Variants in PRELID2 observed in about 807,000 individuals in gnomAD.
The protein encoded by PRELID2 is PRELI domain containing 2, also known as PRELI domain-containing protein 2.
Under a neutral mutation model 28.4 loss-of-function variants are expected in PRELID2, and 25 were observed. The observed-to-expected ratio is 0.88, with a 90% confidence interval of 0.64 to 1.23. The LOEUF (loss-of-function observed/expected upper bound fraction) is 1.23. Among genes scored for constraint, PRELID2 ranks in the 50% most tolerant of loss-of-function variants. The pLI is 0.00. For synonymous variants in PRELID2, 76 were observed against 71.6 expected (o/e 1.06, Z -0.31); for missense variants, 201 against 214.4 (o/e 0.94, Z 0.39).
At chr5:145,383,522 A>G in the PRELID2 span, among the ~76,000 whole-genome samples, 1 of 151,666 alleles carries the variant, frequency 6.6e-6, no homozygotes, top group Non-Finnish European at 1.5e-5. Flanking sequence ...AAACCCATAT[A>G]AAAACTACAG....
At chr5:145,660,670 C>T (rs558798761) in intron 1 of PRELID2, among the ~76,000 whole-genome samples, 31 of 152,290 alleles carry the variant, frequency 2.0e-4, no homozygotes, top group Middle Eastern at 3.4e-3. Context: ...TAGTGTTATA[C>T]TGTCAACTAT....
At chr5:145,453,749 A>G in the PRELID2 span, among the ~76,000 whole-genome samples, 1 of 152,152 alleles carries the variant, frequency 6.6e-6, no homozygotes, top group East Asian at 1.9e-4. Context: ...TTTGCTGAGA[A>G]TGATGGTTTC....
intron 1 of PRELID2, among the ~76,000 whole-genome samples, chr5:145,659,070 CT>C (rs1754445116): frequency 6.6e-6 from 1 of 152,212 alleles, no homozygotes; most frequent in Non-Finnish European, 1.5e-5. Context: ...AAAGGAGAGT[CT>C]GACCTAAGAG....
chr5:145,378,664 T>C, the PRELID2 span, among the ~76,000 whole-genome samples: 4 of 152,226 alleles, frequency 2.6e-5, no homozygotes, highest in African/African-American at 7.2e-5. Flanking sequence ...CTATACTGGC[T>C]ATTTTGTCAG....
intron 1 of PRELID2, among the ~76,000 whole-genome samples, chr5:145,480,549 C>T (rs1034737417): frequency 6.6e-6 from 1 of 151,762 alleles, no homozygotes; most frequent in South Asian, 2.1e-4. Flanking sequence ...AGTTAAATTA[C>T]ATTTACCCTA....
At chr5:145,570,550 C>T (rs1286997848) in intron 1 of PRELID2, among the ~76,000 whole-genome samples, 1 of 152,186 alleles carries the variant, frequency 6.6e-6, no homozygotes, top group Non-Finnish European at 1.5e-5. Flanking sequence ...TTATAAGTAA[C>T]TCTCAGAATT....
At chr5:145,308,566 T>C in the PRELID2 span, among the ~76,000 whole-genome samples, 1 of 152,198 alleles carries the variant, frequency 6.6e-6, no homozygotes, top group East Asian at 1.9e-4. Context: ...TATAGATCTA[T>C]CTATCTATCT....
chr5:145,229,671 G>T, the PRELID2 span: 2 of 782,616 alleles, frequency 2.6e-6, no homozygotes, highest in East Asian at 4.9e-5. Flanking sequence ...CCAGACCCCA[G>T]TAGGCACCAT....
At chr5:145,363,231 T>A in the PRELID2 span, among the ~76,000 whole-genome samples, 1,003 of 152,152 alleles carry the variant, frequency 6.6e-3, 11 homozygotes, top group African/African-American at 0.023. Flanking sequence ...CAGTTATCAT[T>A]GTCGATATCC....
chr5:145,267,292 CTGCCTTTCCCAGCCCACTGACCCAAATG>C, the PRELID2 span, among the ~76,000 whole-genome samples: 1 of 152,128 alleles, frequency 6.6e-6, no homozygotes, highest in South Asian at 2.1e-4. Context: ...AAGAGTGGTT[CTGCCTTTCCCAGCCCACTGACCCAAATG>C]TTAATCTCCT....
At chr5:145,451,490 C>T in the PRELID2 span, among the ~76,000 whole-genome samples, 1 of 152,142 alleles carries the variant, frequency 6.6e-6, no homozygotes, top group Non-Finnish European at 1.5e-5. Flanking sequence ...TGTGTGTTTG[C>T]TTTTGCTTTT....
chr5:145,271,145 C>G, the PRELID2 span, among the ~76,000 whole-genome samples: 2 of 152,136 alleles, frequency 1.3e-5, no homozygotes, highest in Admixed American at 6.6e-5. Context: ...TCTCCCTAGA[C>G]AGGTGAAGAT....
intron 6 of PRELID2, among the ~76,000 whole-genome samples, chr5:145,762,252 T>A (rs1446434763): frequency 1.3e-5 from 2 of 152,184 alleles, no homozygotes; most frequent in Admixed American, 1.3e-4. Context: ...AGTAAGTTGC[T>A]TTTCACAAAC....
chr5:145,559,734 T>C (rs552521807), intron 1 of PRELID2, among the ~76,000 whole-genome samples: 1 of 151,806 alleles, frequency 6.6e-6, no homozygotes, highest in Non-Finnish European at 1.5e-5. Context: ...TTTTTCCCAA[T>C]TCTGCATCAC....
chr5:145,804,376 G>T (rs1306199639), intron 4 of PRELID2, among the ~76,000 whole-genome samples: 1 of 151,944 alleles, frequency 6.6e-6, no homozygotes, highest in Non-Finnish European at 1.5e-5. Context: ...TGGGTGTGGT[G>T]GCATACACCT....
At chr5:145,408,121 AC>A in the PRELID2 span, among the ~76,000 whole-genome samples, 1 of 152,012 alleles carries the variant, frequency 6.6e-6, no homozygotes, top group Non-Finnish European at 1.5e-5. Context: ...TTGAGGAATT[AC>A]CCCATGGCAG....
chr5:145,662,794 T>A (rs542931199), intron 1 of PRELID2, among the ~76,000 whole-genome samples: 2 of 152,180 alleles, frequency 1.3e-5, no homozygotes, highest in East Asian at 3.9e-4. Context: ...AAAAGGCTCT[T>A]ACGAGATGCG....
the PRELID2 span, among the ~76,000 whole-genome samples, chr5:145,432,215 CT>C: frequency 5.3e-5 from 8 of 151,912 alleles, no homozygotes; most frequent in Non-Finnish European, 1.2e-4. Flanking sequence ...GGAATTTTAA[CT>C]TTTTATTTTT....
chr5:145,791,704 C>T (rs1445861638), intron 5 of PRELID2, among the ~76,000 whole-genome samples: 5 of 152,132 alleles, frequency 3.3e-5, no homozygotes, highest in Non-Finnish European at 7.4e-5. Flanking sequence ...GAACTGTACA[C>T]TTAAAAATGG....
Sources: allele counts gnomAD v4.1 joint callset (sites outside exome capture counted in the v4.1 genomes callset), GRCh38; gene constraint gnomAD v4.1.1; transcripts MANE v1.5; gene names NCBI Gene and HGNC (gene_info 2026-07-23, HGNC 2026-07-21).